XPO7: variants seen among roughly 807,000 people sequenced by gnomAD.
XPO7 encodes the protein exportin 7.
Under a neutral mutation model 144.3 loss-of-function variants are expected in XPO7, and 21 were observed. That is an observed-to-expected ratio of 0.15 (90% confidence interval 0.10 to 0.21). The LOEUF (loss-of-function observed/expected upper bound fraction) is 0.21. Among genes scored for constraint, XPO7 ranks in the 10% least tolerant of loss-of-function variants. The pLI is 1.00. For missense variants in XPO7, 808 were observed against 1,325.8 expected (o/e 0.61, Z 6.06); for synonymous variants, 580 against 499.6 (o/e 1.16, Z -2.15).
intron 2 of XPO7, among the ~76,000 whole-genome samples, chr8:21,968,668 G>A (rs540933030): frequency 2.0e-5 from 3 of 152,176 alleles, no homozygotes; most frequent in Admixed American, 1.3e-4. Flanking sequence ...ATAGTCTGAG[G>A]GACTACCATC....
chr8:21,992,592 A>G (rs1049366458), intron 19 of XPO7, among the ~76,000 whole-genome samples: 9 of 152,098 alleles, frequency 5.9e-5, no homozygotes, highest in Non-Finnish European at 1.0e-4. Flanking sequence ...TCTCTTGCCC[A>G]GGCTGGAGTA....
At chr8:21,923,093 T>G (rs1037958502) in intron 1 of XPO7, among the ~76,000 whole-genome samples, 1 of 152,256 alleles carries the variant, frequency 6.6e-6, no homozygotes, top group Non-Finnish European at 1.5e-5. Context: ...TAGTCCATTT[T>G]GAAAAGGGAG....
intron 1 of XPO7, among the ~76,000 whole-genome samples, chr8:21,958,081 A>G (rs778162137): frequency 4.6e-5 from 7 of 152,218 alleles, no homozygotes; most frequent in Non-Finnish European, 1.0e-4. Context: ...AGACATTAAT[A>G]TGGAAATTAC....
At chr8:21,995,661 A>G in intron 21 of XPO7, 62 bp downstream of exon 21, 1 of 1,322,894 alleles carries the variant, frequency 7.6e-7, no homozygotes, top group Non-Finnish European at 1.1e-6. Flanking sequence ...AATTTGCTGT[A>G]TCTAGTGCTT....
intron 4 of XPO7, 80 bp from the exon 5 acceptor site, chr8:21,971,796 T>C (rs903253080): frequency 1.8e-5 from 20 of 1,132,730 alleles, no homozygotes; most frequent in Non-Finnish European, 2.4e-5. Flanking sequence ...GAACCCGTCA[T>C]TCGAAAGTAT....
chr8:21,953,665 A>G (rs1811445856), intron 1 of XPO7, among the ~76,000 whole-genome samples: 2 of 152,222 alleles, frequency 1.3e-5, no homozygotes, highest in African/African-American at 4.8e-5. Flanking sequence ...CATCTTTGCC[A>G]TCATCTGGTG....
intron 1 of XPO7, among the ~76,000 whole-genome samples, chr8:21,934,706 G>A (rs1366068518): frequency 6.6e-6 from 1 of 152,160 alleles, no homozygotes; most frequent in Admixed American, 6.5e-5. Flanking sequence ...CTGAAGCTTG[G>A]GGAGCTAAGG....
intron 1 of XPO7, among the ~76,000 whole-genome samples, chr8:21,955,330 T>C (rs571830340): frequency 2.0e-5 from 3 of 152,344 alleles, no homozygotes; most frequent in South Asian, 4.1e-4. Context: ...AACTGTCTTT[T>C]GTCTTTGGAA....
At chr8:21,994,926 C>T (rs954543045) in intron 20 of XPO7, among the ~76,000 whole-genome samples, 8 of 152,050 alleles carry the variant, frequency 5.3e-5, no homozygotes, top group African/African-American at 7.2e-5. Context: ...TGGTGGCGGG[C>T]GCTTGTAGTC....
intron 1 of XPO7, among the ~76,000 whole-genome samples, chr8:21,924,313 G>C (rs758806697): frequency 2.6e-5 from 4 of 152,054 alleles, no homozygotes; most frequent in Non-Finnish European, 2.9e-5. Context: ...GACAGGTACA[G>C]AAATCATATG....
chr8:21,998,109 G>A (rs1343783198), intron 21 of XPO7, among the ~76,000 whole-genome samples: 1 of 152,156 alleles, frequency 6.6e-6, no homozygotes, highest in Non-Finnish European at 1.5e-5. Context: ...ATGGCTGAAG[G>A]GCTCTGCATT....
chr8:21,979,353 C>CT (rs1364478652), intron 8 of XPO7, among the ~76,000 whole-genome samples: 1 of 141,786 alleles, frequency 7.1e-6, no homozygotes, highest in African/African-American at 2.6e-5. Context: ...CCAAAGCTGG[C>CT]TTTTTTAGGG....
At chr8:21,936,320 C>G (rs1437398869) in intron 1 of XPO7, among the ~76,000 whole-genome samples, 2 of 152,166 alleles carry the variant, frequency 1.3e-5, no homozygotes, top group Non-Finnish European at 2.9e-5. Context: ...TGCAGTCAAT[C>G]AACAGAACAA....
Position 21,966,922 on chromosome 8 carries a change from C to T in XPO7, c.84C>T (p.Leu28=), listed in dbSNP as rs911853982. 1.5e-5 allele frequency: 24 copies of T among 1,614,000 alleles called. No individual in the cohort carries two copies. In the East Asian group the frequency reaches 4.9e-4, roughly 33 times the overall value. ...LYETTDTTTR[L]QAEKALVEFT... is the part of the protein sequence containing the mutation. ...AAACCACAGACACAACCACTCGACT[C>T]CAGGCAGAGAAAGCCTTGGTTGAAT... The change falls in exon 2 of 28, where the codon CTC becomes CTT. Residue 28 remains leucine (L), a synonymous_variant. Coordinates refer to ENST00000252512, the MANE Select transcript of XPO7 (RefSeq NM_015024.5).
chr8:21,970,407 T>C (rs1812018724), intron 4 of XPO7, 97 bp downstream of exon 4: 9 of 1,198,814 alleles, frequency 7.5e-6, no homozygotes, highest in African/African-American at 1.6e-5. Flanking sequence ...AACACGCTTA[T>C]CTACTTTTTA....
At chr8:21,946,590 A>AAC (rs1554512872) in intron 1 of XPO7, among the ~76,000 whole-genome samples, 1 of 150,534 alleles carries the variant, frequency 6.6e-6, no homozygotes, top group African/African-American at 2.4e-5. Context: ...AAAAAACAAA[A>AAC]AAAAAAAACA....
intron 1 of XPO7, among the ~76,000 whole-genome samples, chr8:21,952,204 G>A (rs1475008512): frequency 6.6e-6 from 1 of 152,110 alleles, no homozygotes; most frequent in Non-Finnish European, 1.5e-5. Flanking sequence ...TAAATGTATT[G>A]CTATGCTGCA....
intron 24 of XPO7, among the ~76,000 whole-genome samples, chr8:22,000,376 A>T (rs1202426968): frequency 6.6e-6 from 1 of 152,008 alleles, no homozygotes; most frequent in Non-Finnish European, 1.5e-5. Context: ...GGTTTCATGC[A>T]GCTAGCTCCA....
intron 1 of XPO7, chr8:21,966,116 G>A: frequency 1.6e-6 from 1 of 614,982 alleles, no homozygotes; most frequent in East Asian, 2.7e-5. Flanking sequence ...ACCCCTTCCT[G>A]CCTCCCTGGA....
Sources: gnomAD v4.1 joint callset for allele counts (sites outside exome capture counted in the v4.1 genomes callset) on GRCh38, gnomAD v4.1.1 for gene constraint, MANE v1.5 for transcripts, NCBI Gene and HGNC (gene_info 2026-07-23, HGNC 2026-07-21) for gene names.